The following EYS variants were observed in gnomAD, a reference collection of about 807,000 sequenced individuals.
EYS encodes the protein protein eyes shut homolog.
A neutral mutation model predicts 282.1 loss-of-function variants in EYS; 250 were observed. That is an observed-to-expected ratio of 0.89 (90% confidence interval 0.80 to 0.98). The LOEUF (loss-of-function observed/expected upper bound fraction) is 0.98, where lower values mean the gene tolerates loss of function less well. Ranked by LOEUF, EYS falls within the 50% of genes least tolerant of loss-of-function variation. EYS has a pLI of 0.00. For synonymous variants in EYS, 1,355 were observed against 1,282.9 expected (o/e 1.06, Z -1.20); for missense variants, 4,016 against 3,709.0 (o/e 1.08, Z -2.15).
chr6:65,512,221 G>C (rs1038938456), intron 2 of EYS, among the ~76,000 whole-genome samples: 2 of 151,868 alleles, frequency 1.3e-5, no homozygotes, highest in Admixed American at 6.6e-5. Flanking sequence ...GGCCGGGCAC[G>C]GTGGCTCATG....
intron 33 of EYS, among the ~76,000 whole-genome samples, chr6:64,043,214 T>G (rs1490357364): frequency 6.6e-6 from 1 of 152,198 alleles, no homozygotes; most frequent in Non-Finnish European, 1.5e-5. Context: ...TATAAAAGAT[T>G]GAAAATATCT....
At chr6:65,106,051 T>G (rs921110342) in intron 12 of EYS, among the ~76,000 whole-genome samples, 2 of 151,970 alleles carry the variant, frequency 1.3e-5, no homozygotes, top group African/African-American at 4.8e-5. Context: ...AATACCATTA[T>G]GATCTGAAAA....
chr6:64,805,758 T>C (rs116816537), intron 22 of EYS, among the ~76,000 whole-genome samples: 4,598 of 151,406 alleles, frequency 0.03, 231 homozygotes, highest in African/African-American at 0.11. Context: ...TAATAATATT[T>C]GAAATATCTG....
chr6:63,843,203 T>G (rs147139726), intron 36 of EYS, among the ~76,000 whole-genome samples: 1 of 152,342 alleles, frequency 6.6e-6, no homozygotes, highest in South Asian at 2.1e-4. Flanking sequence ...TTGGGCAGTA[T>G]GACCATTTTC....
chr6:64,383,922 T>C (rs765831153), intron 29 of EYS, among the ~76,000 whole-genome samples: 7 of 152,174 alleles, frequency 4.6e-5, no homozygotes, highest in Non-Finnish European at 8.8e-5. Flanking sequence ...ACACATTTAG[T>C]GAGGTGCCAC....
intron 22 of EYS, among the ~76,000 whole-genome samples, chr6:64,717,072 C>G (rs1374538179): frequency 6.6e-6 from 1 of 152,086 alleles, no homozygotes; most frequent in Non-Finnish European, 1.5e-5. Flanking sequence ...CTCATTTTGG[C>G]TAGGGTTAGC....
intron 12 of EYS, among the ~76,000 whole-genome samples, chr6:65,199,232 G>A (rs969788799): frequency 6.6e-6 from 1 of 152,012 alleles, no homozygotes; most frequent in Non-Finnish European, 1.5e-5. Context: ...ATAAATATTT[G>A]TGTAACCATG....
intron 36 of EYS, among the ~76,000 whole-genome samples, chr6:63,809,558 T>C (rs568379771): frequency 6.6e-6 from 1 of 151,976 alleles, no homozygotes; most frequent in Non-Finnish European, 1.5e-5. Flanking sequence ...ATTGGAAACA[T>C]GAAGAAAAAA....
In EYS at chr6:65,285,645, C is replaced by G. The variant is rs965440099; in HGVS notation, c.2023+10218G>C. Among the ~76,000 whole-genome samples, 16 of 151,840 alleles carry G rather than the reference C, an allele frequency of 1.1e-4. 1 individual carries two copies. The highest frequency in any genetic ancestry group is 2.1e-4 in the Non-Finnish European group (14 of 67,890). On this transcript the variant is annotated intron_variant, in intron 12 of 42. Coordinates refer to ENST00000503581, the MANE Select transcript of EYS (RefSeq NM_001142800.2). ...TAATGTAGCTGCAAAATAACATTTTCAGATAAATTTTAAAAACTACAAAAA... is the reference window on the plus strand; with the variant it reads ...TAATGTAGCTGCAAAATAACATTTTGAGATAAATTTTAAAAACTACAAAAA...
chr6:63,925,226 A>C (rs901860805), intron 35 of EYS, among the ~76,000 whole-genome samples: 7 of 152,224 alleles, frequency 4.6e-5, no homozygotes, highest in African/African-American at 1.7e-4. Flanking sequence ...TCAAATATCC[A>C]TGAAAAATGT....
intron 12 of EYS, among the ~76,000 whole-genome samples, chr6:65,147,732 G>A (rs942963243): frequency 5.3e-5 from 8 of 151,950 alleles, no homozygotes; most frequent in Non-Finnish European, 7.4e-5. Flanking sequence ...CTGTTCTCAT[G>A]CTGCTCTGAA....
chr6:64,007,911 T>C (rs1025995443), intron 33 of EYS, among the ~76,000 whole-genome samples: 2 of 152,174 alleles, frequency 1.3e-5, no homozygotes, highest in African/African-American at 4.8e-5. Flanking sequence ...GCCAATTTTG[T>C]CATTTATTTT....
chr6:64,545,103 T>A (rs1261923747), intron 26 of EYS, among the ~76,000 whole-genome samples: 1 of 152,118 alleles, frequency 6.6e-6, no homozygotes, highest in African/African-American at 2.4e-5. Flanking sequence ...CTGATGAACA[T>A]CAATGCAAAA....
At chr6:65,073,400 C>G (rs953205866) in intron 12 of EYS, among the ~76,000 whole-genome samples, 5 of 151,600 alleles carry the variant, frequency 3.3e-5, no homozygotes, top group Middle Eastern at 6.9e-3. Context: ...TCCATTAGCC[C>G]TCTCTGAAGT....
At chr6:64,259,631 C>T (rs1337638790) in intron 30 of EYS, among the ~76,000 whole-genome samples, 1 of 145,182 alleles carries the variant, frequency 6.9e-6, no homozygotes, top group Non-Finnish European at 1.5e-5. Context: ...CTACTCTCTC[C>T]CAGTACTTTT....
At chr6:64,239,997 T>G (rs1766747004) in intron 30 of EYS, among the ~76,000 whole-genome samples, 1 of 152,192 alleles carries the variant, frequency 6.6e-6, no homozygotes, top group African/African-American at 2.4e-5. Context: ...CCAACACCGT[T>G]TATTAAATAG....
chr6:65,125,390 T>TC (rs1561979014), intron 12 of EYS, among the ~76,000 whole-genome samples: 1 of 152,146 alleles, frequency 6.6e-6, no homozygotes, highest in African/African-American at 2.4e-5. Flanking sequence ...AATTCCTTTG[T>TC]CCCCCGCTGC....
chr6:63,939,266 A>C (rs549618219), intron 35 of EYS, among the ~76,000 whole-genome samples: 60 of 152,218 alleles, frequency 3.9e-4, no homozygotes, highest in Middle Eastern at 3.4e-3. Flanking sequence ...GAGGATTGAG[A>C]TTAAGAGGGA....
At chr6:64,426,812 A>T (rs1774424563) in intron 28 of EYS, among the ~76,000 whole-genome samples, 1 of 152,152 alleles carries the variant, frequency 6.6e-6, no homozygotes, top group Admixed American at 6.6e-5. Context: ...GATTAGCCAC[A>T]GTTTTCAAAT....
Sources: allele counts gnomAD v4.1 joint callset (sites outside exome capture counted in the v4.1 genomes callset), GRCh38; gene constraint gnomAD v4.1.1; transcripts MANE v1.5; gene names NCBI Gene and HGNC (gene_info 2026-07-23, HGNC 2026-07-21).